LSAMP: variants seen among roughly 807,000 people sequenced by gnomAD.
LSAMP encodes limbic system associated membrane protein.
LSAMP carries 7 observed loss-of-function variants against 38.6 expected under a neutral mutation model. That is an observed-to-expected ratio of 0.18 (90% confidence interval 0.10 to 0.34). The LOEUF (loss-of-function observed/expected upper bound fraction) is 0.34, where lower values mean the gene tolerates loss of function less well. Ranked by LOEUF, LSAMP falls within the 10% of genes least tolerant of loss-of-function variation. The pLI is 1.00. For synonymous variants in LSAMP, 154 were observed against 166.8 expected, an observed-to-expected ratio of 0.92 and a Z score of 0.59; for missense variants, 313 against 420.0, an observed-to-expected ratio of 0.75 and a Z score of 2.23.
chr3:116,252,896 G>T (rs2046703019), intron 1 of LSAMP, among the ~76,000 whole-genome samples: 1 of 152,186 alleles, frequency 6.6e-6, no homozygotes, highest in Admixed American at 6.5e-5. Context: ...CTTAACTGGA[G>T]ACATAAGTAC....
chr3:115,899,882 C>G (rs1936830588), intron 3 of LSAMP, among the ~76,000 whole-genome samples: 1 of 152,098 alleles, frequency 6.6e-6, no homozygotes, highest in Admixed American at 6.5e-5. Context: ...TTCAGAGGGA[C>G]AGACCCAGTT....
chr3:116,397,564 G>A (rs956365087), intron 1 of LSAMP, among the ~76,000 whole-genome samples: 1 of 152,096 alleles, frequency 6.6e-6, no homozygotes, highest in African/African-American at 2.4e-5. Context: ...AAATTTCTGT[G>A]TGTTTTGTTC....
intron 4 of LSAMP, among the ~76,000 whole-genome samples, chr3:115,850,069 G>A (rs1269821093): frequency 3.3e-5 from 5 of 152,072 alleles, no homozygotes; most frequent in African/African-American, 4.8e-5. Flanking sequence ...TTTGTTATGA[G>A]GTATCTTTTT....
At position 116,078,378 on chromosome 3, in the gene LSAMP, G is replaced by T. The variant is rs532928034; in HGVS notation, c.388+7946C>A. Among the ~76,000 whole-genome samples, 3 of 151,324 alleles carry T rather than the reference G, an allele frequency of 2.0e-5. No homozygotes were observed. The South Asian group carries it at 6.3e-4, about 32-fold the overall frequency. ...CTCGCTCTGTTGCCCAGGCTGGAGC[G>T]CAGTGGCCTGATCTGGGCTCACTGC... On this transcript the variant is annotated intron_variant, in intron 2 of 6. Coordinates refer to ENST00000490035, the MANE Select transcript of LSAMP (RefSeq NM_002338.5).
intron 2 of LSAMP, among the ~76,000 whole-genome samples, chr3:116,083,977 A>T (rs1423074072): frequency 1.3e-5 from 2 of 152,100 alleles, no homozygotes; most frequent in Non-Finnish European, 2.9e-5. Context: ...TGCTTTCTTT[A>T]TCCCCCTTGT....
chr3:116,095,029 A>G (rs1410268103), intron 1 of LSAMP, among the ~76,000 whole-genome samples: 7 of 152,252 alleles, frequency 4.6e-5, no homozygotes, highest in Non-Finnish European at 7.3e-5. Context: ...AGAGATAACT[A>G]AAGGAAAAAC....
chr3:116,240,404 C>T (rs182623166), intron 1 of LSAMP, among the ~76,000 whole-genome samples: 9 of 152,192 alleles, frequency 5.9e-5, no homozygotes, highest in African/African-American at 1.9e-4. Context: ...GCAATCCACA[C>T]TAGCAAGATT....
intron 1 of LSAMP, among the ~76,000 whole-genome samples, chr3:116,144,562 C>CTTTTTTTTTTTT (rs3071080): frequency 3.5e-5 from 5 of 142,148 alleles, no homozygotes; most frequent in Non-Finnish European, 4.6e-5. Context: ...CATCACCTTA[C>CTTTTTTTTTTTT]TTTTTTTTTT....
intron 1 of LSAMP, among the ~76,000 whole-genome samples, chr3:116,151,594 C>T (rs1041133909): frequency 1.3e-5 from 2 of 151,950 alleles, no homozygotes; most frequent in Non-Finnish European, 2.9e-5. Context: ...TCCCTCAAGT[C>T]GCTAAGAATT....
rs78987511 is a variant in LSAMP, at chr3:116,210,299, T to G, written c.156-123743A>C. ...GAGTTTAACATTTGAATTAGTGGGT[T>G]TGGAGAGGCAGATCCATCCTCAGTC... On this transcript the variant is annotated intron_variant, in intron 1 of 6. Coordinates refer to ENST00000490035, the MANE Select transcript of LSAMP (RefSeq NM_002338.5). 1.6e-3 allele frequency among the ~76,000 whole-genome samples: 248 copies of G among 152,222 alleles called. 1 individual carries two copies. Among genetic ancestry groups the G allele is most frequent in the African/African-American group, 5.3e-3 (221 of 41,522 alleles).
intron 3 of LSAMP, among the ~76,000 whole-genome samples, chr3:115,905,499 C>A (rs1474819030): frequency 6.6e-6 from 1 of 152,046 alleles, no homozygotes; most frequent in African/African-American, 2.4e-5. Flanking sequence ...CATCTGTGAA[C>A]AACACTGATT....
intron 1 of LSAMP, among the ~76,000 whole-genome samples, chr3:116,239,655 G>A (rs1242493809): frequency 2.6e-5 from 4 of 152,076 alleles, no homozygotes; most frequent in South Asian, 4.1e-4. Flanking sequence ...GAACAACATT[G>A]GGTCTTTTAA....
chr3:116,037,751 C>T (rs574631000), intron 2 of LSAMP, among the ~76,000 whole-genome samples: 1 of 151,954 alleles, frequency 6.6e-6, no homozygotes, highest in Non-Finnish European at 1.5e-5. Context: ...TGTGGTTATA[C>T]TTGGCCTAGC....
In LSAMP at chr3:116,213,132, C is replaced by A. The variant is rs111832300; in HGVS notation, c.156-126576G>T. On this transcript the variant is annotated intron_variant, in intron 1 of 6. Transcript: ENST00000490035. ...GGATAAATGCATGATATGATAGTTC[C>A]ATTTTTAATTTTTTGTGAAAATACC... 4.3e-3 allele frequency among the ~76,000 whole-genome samples: 659 copies of A among 152,186 alleles called. 7 individuals are homozygous for A. Among genetic ancestry groups the A allele is most frequent in the African/African-American group, 0.015 (621 of 41,534 alleles).
At chr3:116,316,113 C>A (rs1486475408) in intron 1 of LSAMP, among the ~76,000 whole-genome samples, 1 of 152,096 alleles carries the variant, frequency 6.6e-6, no homozygotes, top group Non-Finnish European at 1.5e-5. Context: ...TGTAGTGGGA[C>A]CTAGAGAGAA....
chr3:116,258,501 T>A (rs1162623185), intron 1 of LSAMP, among the ~76,000 whole-genome samples: 1 of 152,008 alleles, frequency 6.6e-6, no homozygotes, highest in East Asian at 1.9e-4. Context: ...TGAATTTTTC[T>A]AAGCTTTTTT....
intron 1 of LSAMP, among the ~76,000 whole-genome samples, chr3:116,143,370 TAGAA>T (rs140289468): frequency 0.18 from 26,962 of 151,848 alleles, 2,468 homozygotes; most frequent in Admixed American, 0.22. Flanking sequence ...GGCACAAAAA[TAGAA>T]AGAATTAATA....
intron 3 of LSAMP, among the ~76,000 whole-genome samples, chr3:116,010,136 C>T (rs1024388740): frequency 2.6e-5 from 4 of 152,074 alleles, no homozygotes; most frequent in Admixed American, 1.3e-4. Flanking sequence ...AGCCTGGTCT[C>T]GAACTCCTGA....
chr3:115,932,099 G>C (rs1166991161), intron 3 of LSAMP, among the ~76,000 whole-genome samples: 1 of 152,092 alleles, frequency 6.6e-6, no homozygotes, highest in Non-Finnish European at 1.5e-5. Flanking sequence ...CATGGTAGGA[G>C]TACAAAAAAA....
Sources: gnomAD v4.1 joint callset for allele counts (sites outside exome capture counted in the v4.1 genomes callset) on GRCh38, gnomAD v4.1.1 for gene constraint, MANE v1.5 for transcripts, NCBI Gene and HGNC (gene_info 2026-07-23, HGNC 2026-07-21) for gene names.